The following NDRG2 variants were observed in gnomAD, a reference collection of about 807,000 sequenced individuals.
NDRG2 encodes the protein protein NDRG2.
A neutral mutation model predicts 58.2 loss-of-function variants in NDRG2; 34 were observed. The observed-to-expected ratio is 0.58, with a 90% CI of 0.44 to 0.78. NDRG2 has a LOEUF of 0.78. Among genes scored for constraint, NDRG2 ranks in the 30% least tolerant of loss-of-function variants. The pLI, the probability that NDRG2 is intolerant of heterozygous loss-of-function variation, is 0.00. For missense variants in NDRG2, 434 were observed against 471.2 expected (o/e 0.92, Z 0.73); for synonymous variants, 187 against 175.9 (o/e 1.06, Z -0.50).
rs987082407 is a variant in NDRG2 at position 21,070,268 on chromosome 14, CCGA to C, written c.24+557_24+559del. 1 of 1,032,848 alleles carries C rather than the reference CCGA, an allele frequency of 9.7e-7. No homozygotes were observed. Among genetic ancestry groups the C allele is most frequent in the African/African-American group, 1.7e-5 (1 of 59,668 alleles). 64.0% of individuals were successfully genotyped at this position (1,032,848 alleles called of 1,614,324 possible). On this transcript the variant is annotated intron_variant, in intron 1 of 14. Transcript: ENST00000403829. This position sits in a 1 kb window ranked among gnomAD's most constrained non-coding sequence, Gnocchi z 4.7. ...CCCGCGGCCTGGAAGCCGGAGCGGGCCGAGCCGCCACCGCGGCCGGAGCTGTCC... is the reference window on the plus strand; with the variant it reads ...CCCGCGGCCTGGAAGCCGGAGCGGGCGCCGCCACCGCGGCCGGAGCTGTCC...
rs1417751929 is a variant in NDRG2, at chr14:21,032,716, G to C, written c.25-9395C>G. On this transcript the variant is annotated intron_variant, in intron 1 of 14. Coordinates refer to the NDRG2 transcript ENST00000403829. ...ACAGAAGAGCTTACTGACTGCTAAG[G>C]GTAGCTCAGGAAGATGGCCAGATGA... is the stretch of plus-strand genomic sequence containing the variant. 1.1e-5 allele frequency: 4 copies of C among 362,000 alleles called. No homozygotes were observed. In the Admixed American group the frequency reaches 1.1e-4, roughly 10 times the overall value. The allele number at this position is 362,000 out of a possible 1,614,324, so 22.4% of individuals were successfully genotyped here.
chr14:21,046,656 C>G (rs1193169564), intron 1 of NDRG2, among the ~76,000 whole-genome samples: 1 of 152,142 alleles, frequency 6.6e-6, no homozygotes, highest in Non-Finnish European at 1.5e-5. Flanking sequence ...GCCTAGTGTA[C>G]AGTCGAAAAT....
Position 21,024,729 on chromosome 14 carries a change from C to A in NDRG2, c.-706G>T. ...GATGGGTAGGACAGAGGAGACCGGCCGGGCCCAGCACCCGGAACCCGTCCC... is the reference window on the plus strand; with the variant it reads ...GATGGGTAGGACAGAGGAGACCGGCAGGGCCCAGCACCCGGAACCCGTCCC... On this transcript the variant is annotated 5_prime_UTR_variant, in exon 1 of 16. Coordinates refer to ENST00000556147, the MANE Select transcript of NDRG2 (RefSeq NM_001320329.2). 1.0e-6 allele frequency: 1 copy of A among 985,472 alleles called. No homozygotes were observed. The highest frequency in any genetic ancestry group is 1.2e-6 in the Non-Finnish European group (1 of 829,978). The allele number at this position is 985,472 out of a possible 1,614,324, so 61.0% of individuals were successfully genotyped here. A position where few individuals can be genotyped will look rare whatever the true frequency, so the allele number is the denominator to read the frequency against.
intron 1 of NDRG2, among the ~76,000 whole-genome samples, chr14:21,044,944 C>T (rs1041326700): frequency 2.6e-5 from 4 of 152,314 alleles, no homozygotes; most frequent in Middle Eastern, 3.4e-3. Flanking sequence ...GTCTACATGA[C>T]CTCGAACAAT....
chr14:21,070,278 A>T lies in NDRG2; in HGVS notation c.24+550T>A. 1.8e-6 allele frequency: 2 copies of T among 1,097,542 alleles called. No homozygotes were observed. Among genetic ancestry groups the T allele is most frequent in the Non-Finnish European group, 2.3e-6 (2 of 875,240 alleles). The allele number at this position is 1,097,542 out of a possible 1,614,324, so 68.0% of individuals were successfully genotyped here. On this transcript the variant is annotated intron_variant, in intron 1 of 14. Transcript: ENST00000403829. The surrounding 1 kb of genome is among the most constrained non-coding windows in gnomAD (Gnocchi z 4.7). Reference sequence around the variant, plus strand: ...GGAAGCCGGAGCGGGCCGAGCCGCCACCGCGGCCGGAGCTGTCCCTTAGCC... The same window carrying T: ...GGAAGCCGGAGCGGGCCGAGCCGCCTCCGCGGCCGGAGCTGTCCCTTAGCC...
chr14:21,031,803 C>G (rs879338541), intron 1 of NDRG2: 31 of 1,436,864 alleles, frequency 2.2e-5, no homozygotes, highest in Non-Finnish European at 2.8e-5. Flanking sequence ...GCTCCAAGCA[C>G]TTGTTCTAAG....
At chr14:21,019,580 T>C (rs1878934592) in intron 10 of NDRG2, 59 bp downstream of exon 10, 2 of 1,148,218 alleles carry the variant, frequency 1.7e-6, no homozygotes, top group Admixed American at 3.8e-5. Flanking sequence ...GCCTCCCCCA[T>C]GACGCCCAAT....
At position 21,017,143 on chromosome 14, in the gene NDRG2, C is replaced by A. The variant is rs1449633672; in HGVS notation, c.*453G>T. On this transcript the variant is annotated 3_prime_UTR_variant, in exon 16 of 16. Transcript: ENST00000556147. ...TGACACACATTCACGTAGGTCCATACCCTTCAGAGTCCTAAAGGGTTAATG... is the reference window on the plus strand; with the variant it reads ...TGACACACATTCACGTAGGTCCATAACCTTCAGAGTCCTAAAGGGTTAATG... 1.7e-5 allele frequency: 7 copies of A among 400,160 alleles called. No homozygotes were observed. The highest frequency in any genetic ancestry group is 1.0e-4 in the African/African-American group (5 of 49,034). 24.8% of individuals were successfully genotyped at this position (400,160 alleles called of 1,614,324 possible). A position where few individuals can be genotyped will look rare whatever the true frequency, so the allele number is the denominator to read the frequency against.
chr14:21,018,268 G>C, intron 13 of NDRG2, 29 bp from the exon 14 acceptor site: 1 of 1,613,582 alleles, frequency 6.2e-7, no homozygotes, highest in Non-Finnish European at 8.5e-7. Flanking sequence ...CCCAGAAAAA[G>C]TGAAACACAC....
chr14:21,064,240 T>C (rs986581006), intron 1 of NDRG2, among the ~76,000 whole-genome samples: 6 of 152,156 alleles, frequency 3.9e-5, no homozygotes, highest in Admixed American at 1.3e-4. Context: ...AAGTTAAACA[T>C]AATATAAATT....
intron 1 of NDRG2, among the ~76,000 whole-genome samples, chr14:21,069,144 CCTG>C (rs1437671853): frequency 1.3e-5 from 2 of 152,224 alleles, no homozygotes; most frequent in Non-Finnish European, 2.9e-5. Context: ...CTTCCCGGTG[CCTG>C]CTCAGAGGCC....
rs1883058633 is a variant in NDRG2, at chr14:21,024,953, CG to C, written c.-931del. 1 of 985,486 alleles carries C rather than the reference CG, an allele frequency of 1.0e-6. No homozygotes were observed. The highest frequency in any genetic ancestry group is 1.7e-5 in the African/African-American group (1 of 57,238). 61.0% of individuals were successfully genotyped at this position (985,486 alleles called of 1,614,324 possible). Reference sequence around the variant, plus strand: ...CCCGAGCCTCCAGCTCCAGGGGACGCGGATCAATCACACCGCCCGCCGGCCC... The same window carrying C: ...CCCGAGCCTCCAGCTCCAGGGGACGCGATCAATCACACCGCCCGCCGGCCC... On this transcript the variant is annotated 5_prime_UTR_variant, in exon 1 of 16. Transcript: ENST00000556147.
intron 1 of NDRG2, chr14:21,033,104 CA>C (rs1043714343): frequency 1.5e-5 from 6 of 410,762 alleles, no homozygotes; most frequent in African/African-American, 1.3e-4. Context: ...CTTGAAATGC[CA>C]GTGAGCCAAG....
chr14:21,057,637 G>A lies in NDRG2; in HGVS notation c.24+13191C>T, dbSNP rs997961683. Among the ~76,000 whole-genome samples, 150 of 56,242 alleles carry A rather than the reference G, an allele frequency of 2.7e-3. 1 individual carries two copies. Among genetic ancestry groups the A allele is most frequent in the African/African-American group, 9.1e-3 (139 of 15,304 alleles). 36.9% of individuals were successfully genotyped at this position (56,242 alleles called of 152,430 possible). On this transcript the variant is annotated intron_variant, in intron 1 of 14. Coordinates refer to the NDRG2 transcript ENST00000403829. Reference sequence around the variant, plus strand: ...TTTATTCATATATATATATATATATGTGAGAAGGTAATCATACCCATAAAA... The same window carrying A: ...TTTATTCATATATATATATATATATATGAGAAGGTAATCATACCCATAAAA...
In NDRG2 at chr14:21,017,608, C is replaced by T; in HGVS notation, c.1104G>A (p.Glu368=). ...LSSGPPGHTM[E]VSC is the part of the protein sequence containing the mutation. ...CAACAAGGGCCATTCAACAGGAGACCTCCATGGTGTGCCCCGGGGGCCCCG... is the reference window on the plus strand; with the variant it reads ...CAACAAGGGCCATTCAACAGGAGACTTCCATGGTGTGCCCCGGGGGCCCCG... Residue 368 remains glutamate, a synonymous_variant, in exon 16 of 16, where the codon GAG becomes GAA. Coordinates refer to ENST00000556147, the MANE Select transcript of NDRG2 (RefSeq NM_001320329.2). 6.2e-7 allele frequency: 1 copy of T among 1,613,618 alleles called. No individual in the cohort carries two copies. Among genetic ancestry groups the T allele is most frequent in the Non-Finnish European group, 8.5e-7 (1 of 1,179,820 alleles).
intron 1 of NDRG2, chr14:21,034,678 G>A (rs765092220): frequency 1.6e-5 from 3 of 193,342 alleles, no homozygotes; most frequent in Non-Finnish European, 3.2e-5. Flanking sequence ...TGGCAGCTGG[G>A]AGGAAGGACA....
rs890975675 is a variant in NDRG2, at chr14:21,018,659, T to C, written c.813+104A>G. The C allele has an allele frequency of 1.9e-6, 3 of 1,581,400 alleles. No homozygotes were observed. The African/African-American group carries it at 4.0e-5, about 21-fold the overall frequency. Reference sequence around the variant, plus strand: ...CAAATTCTTAGTGCCCCAAAGTTGATCTCCCTGTGCCAAACAGGACATCCC... The same window carrying C: ...CAAATTCTTAGTGCCCCAAAGTTGACCTCCCTGTGCCAAACAGGACATCCC... On this transcript the variant is annotated intron_variant, in intron 12 of 15. Transcript: ENST00000556147.
intron 1 of NDRG2, chr14:21,036,081 G>C (rs1198956326): frequency 1.5e-5 from 6 of 408,340 alleles, no homozygotes; most frequent in Non-Finnish European, 4.8e-6. Flanking sequence ...TTAGACCAGT[G>C]CCCGGCACAT....
intron 1 of NDRG2, chr14:21,032,339 G>A (rs1433225007): frequency 8.7e-6 from 5 of 573,238 alleles, no homozygotes; most frequent in Non-Finnish European, 1.6e-5. Flanking sequence ...AGAACAGGAT[G>A]GAAGAATATA....
Sources: allele counts gnomAD v4.1 joint callset (sites outside exome capture counted in the v4.1 genomes callset), GRCh38; gene constraint gnomAD v4.1.1; non-coding constraint Gnocchi (gnomAD v3.1); transcripts MANE v1.5; gene names NCBI Gene and HGNC (gene_info 2026-07-23, HGNC 2026-07-21).